Variants in THSD7A observed in about 807,000 individuals in gnomAD.
The protein encoded by THSD7A is thrombospondin type-1 domain-containing protein 7A.
THSD7A carries 96 observed loss-of-function variants against 231.3 expected under a neutral mutation model. The ratio of observed to expected loss-of-function variants is 0.41; its 90% CI spans 0.35 to 0.49. The LOEUF (loss-of-function observed/expected upper bound fraction) is 0.49. Ranked by LOEUF, THSD7A falls within the 20% of genes least tolerant of loss-of-function variation. THSD7A has a pLI of 0.05. For synonymous variants in THSD7A, 940 were observed against 743.3 expected (o/e 1.26, Z -4.30); for missense variants, 2,290 against 2,070.2 (o/e 1.11, Z -2.06).
At chr7:11,386,865 T>C (rs1419593594) in intron 23 of THSD7A, among the ~76,000 whole-genome samples, 3 of 152,228 alleles carry the variant, frequency 2.0e-5, no homozygotes, top group Admixed American at 2.0e-4. Flanking sequence ...ACGTCTTTAA[T>C]CCATCTTGAG....
chr7:11,550,365 T>C (rs1467950187), intron 4 of THSD7A, among the ~76,000 whole-genome samples: 2 of 152,128 alleles, frequency 1.3e-5, no homozygotes, highest in African/African-American at 2.4e-5. Flanking sequence ...AAACATTCTA[T>C]GCTCTTGAAT....
chr7:11,638,501 T>C (rs1004208422), intron 1 of THSD7A, among the ~76,000 whole-genome samples: 1 of 152,200 alleles, frequency 6.6e-6, no homozygotes, highest in African/African-American at 2.4e-5. Flanking sequence ...TTAAAGTTTG[T>C]TGAGAATTTC....
intron 1 of THSD7A, among the ~76,000 whole-genome samples, chr7:11,670,061 A>G (rs28473577): frequency 0.059 from 9,013 of 152,222 alleles, 883 homozygotes; most frequent in African/African-American, 0.2. Flanking sequence ...TGCAATGTGT[A>G]ACATTTAACA....
At chr7:11,528,509 G>A (rs1788570486) in intron 6 of THSD7A, among the ~76,000 whole-genome samples, 1 of 152,096 alleles carries the variant, frequency 6.6e-6, no homozygotes, top group South Asian at 2.1e-4. Flanking sequence ...AATCAGGGCG[G>A]TTTATGATAG....
intron 23 of THSD7A, among the ~76,000 whole-genome samples, chr7:11,400,486 G>A (rs947356152): frequency 3.3e-5 from 5 of 152,102 alleles, no homozygotes; most frequent in Non-Finnish European, 5.9e-5. Flanking sequence ...TAAGGTGTGC[G>A]TGTGGAGATC....
chr7:11,564,030 C>A (rs1790192561), intron 4 of THSD7A, among the ~76,000 whole-genome samples: 1 of 152,138 alleles, frequency 6.6e-6, no homozygotes, highest in African/African-American at 2.4e-5. Context: ...TTACATAAAC[C>A]TGTTGACTTT....
intron 2 of THSD7A, among the ~76,000 whole-genome samples, chr7:11,617,294 T>A (rs1270997110): frequency 6.6e-6 from 1 of 152,222 alleles, no homozygotes; most frequent in Admixed American, 6.5e-5. Flanking sequence ...ATCTTTCATA[T>A]TTTCTATTTG....
At chr7:11,800,889 A>G (rs1784255426) in intron 1 of THSD7A, among the ~76,000 whole-genome samples, 1 of 152,194 alleles carries the variant, frequency 6.6e-6, no homozygotes, top group African/African-American at 2.4e-5. Flanking sequence ...TGTTCTTACA[A>G]CACACACATA....
chr7:11,744,002 C>A (rs1179387160), intron 1 of THSD7A, among the ~76,000 whole-genome samples: 1 of 151,908 alleles, frequency 6.6e-6, no homozygotes, highest in African/African-American at 2.4e-5. Context: ...ACACTTAATA[C>A]AGACTAGACT....
intron 1 of THSD7A, among the ~76,000 whole-genome samples, chr7:11,712,014 T>C (rs1780981812): frequency 6.6e-6 from 1 of 151,040 alleles, no homozygotes; most frequent in Non-Finnish European, 1.5e-5. Flanking sequence ...AGCTGAAACC[T>C]TCCTCCCAGC....
chr7:11,652,622 T>G (rs1290026794), intron 1 of THSD7A, among the ~76,000 whole-genome samples: 1 of 151,930 alleles, frequency 6.6e-6, no homozygotes, highest in African/African-American at 2.4e-5. Context: ...TGTATCAAAA[T>G]TGGTTCATTT....
At chr7:11,760,725 A>G (rs1380521707) in intron 1 of THSD7A, among the ~76,000 whole-genome samples, 1 of 152,058 alleles carries the variant, frequency 6.6e-6, no homozygotes, top group Admixed American at 6.6e-5. Flanking sequence ...TATGTTAATA[A>G]TATCAGCAAA....
intron 1 of THSD7A, among the ~76,000 whole-genome samples, chr7:11,692,562 G>C (rs1329490929): frequency 1.3e-5 from 2 of 151,484 alleles, no homozygotes; most frequent in African/African-American, 4.8e-5. Context: ...TAAGAACAAA[G>C]CTACTCTGGT....
intron 5 of THSD7A, among the ~76,000 whole-genome samples, chr7:11,542,637 G>A (rs1789201246): frequency 6.6e-6 from 1 of 152,144 alleles, no homozygotes; most frequent in South Asian, 2.1e-4. Flanking sequence ...GTTTAGATAT[G>A]TTAGTTAACT....
At chr7:11,760,534 A>G (rs1403543671) in intron 1 of THSD7A, among the ~76,000 whole-genome samples, 2 of 152,112 alleles carry the variant, frequency 1.3e-5, no homozygotes, top group African/African-American at 4.8e-5. Flanking sequence ...GTGAAATCCA[A>G]TCTTCTTGTT....
rs775604080 is a variant in THSD7A, at chr7:11,590,605, A to G, written c.1308T>C (p.Arg436=). The change falls in exon 4 of 28, where the codon CGT becomes CGC. Residue 436 remains arginine, a synonymous_variant. Transcript: ENST00000423059. This position sits in a 1 kb window ranked among gnomAD's most constrained non-coding sequence, Gnocchi z 4.4. ...GWRTTEWTEC[R]VDPLLSQQDK... ...CCTGCTGACTGAGCAAAGGGTCCAC[A>G]CGGCACTCAGTCCACTCTGTAGTTC... is the stretch of plus-strand genomic sequence containing the variant. 44 of 1,613,212 alleles carry G rather than the reference A, an allele frequency of 2.7e-5. 1 individual carries two copies. Among genetic ancestry groups the G allele is most frequent in the Non-Finnish European group, 3.7e-5 (44 of 1,179,580 alleles).
chr7:11,621,379 C>G (rs1781305317), intron 2 of THSD7A, among the ~76,000 whole-genome samples: 1 of 152,126 alleles, frequency 6.6e-6, no homozygotes, highest in South Asian at 2.1e-4. Flanking sequence ...TTACTTTCTA[C>G]CTTTTGCTTT....
intron 6 of THSD7A, among the ~76,000 whole-genome samples, chr7:11,489,327 T>G (rs1384365715): frequency 1.3e-5 from 2 of 152,136 alleles, no homozygotes; most frequent in East Asian, 3.9e-4. Flanking sequence ...TCAGCTTGAT[T>G]AAGCATTAGG....
chr7:11,764,714 G>C (rs1208985645), intron 1 of THSD7A, among the ~76,000 whole-genome samples: 1 of 151,940 alleles, frequency 6.6e-6, no homozygotes. Flanking sequence ...ATTATGGAAT[G>C]AGCCAATTTA....
Sources: allele counts gnomAD v4.1 joint callset (sites outside exome capture counted in the v4.1 genomes callset), GRCh38; gene constraint gnomAD v4.1.1; non-coding constraint Gnocchi (gnomAD v3.1); transcripts MANE v1.5; gene names NCBI Gene and HGNC (gene_info 2026-07-23, HGNC 2026-07-21).